The following MESD variants were observed in gnomAD, a reference collection of about 807,000 sequenced individuals.
MESD encodes the protein LRP chaperone MESD.
MESD carries 7 observed loss-of-function variants against 12.9 expected under a neutral mutation model. The observed-to-expected ratio is 0.54, with a 90% CI of 0.31 to 1.02. MESD has a LOEUF of 1.02. Ranked by LOEUF, MESD falls within the 50% of genes least tolerant of loss-of-function variation. MESD has a pLI of 0.05. For missense variants in MESD, 342 were observed against 296.7 expected (o/e 1.15, Z -1.12); for synonymous variants, 126 against 115.6 (o/e 1.09, Z -0.58).
At chr15:80,988,199 G>A (rs1284271508) in intron 1 of MESD, among the ~76,000 whole-genome samples, 1 of 152,224 alleles carries the variant, frequency 6.6e-6, no homozygotes, top group Non-Finnish European at 1.5e-5. Flanking sequence ...GCGATGTGGA[G>A]CAAGTTATTT....
chr15:80,957,530 T>C (rs1902009748), intron 3 of MESD, among the ~76,000 whole-genome samples: 1 of 152,176 alleles, frequency 6.6e-6, no homozygotes. Context: ...CTTTCCTCTC[T>C]TCATATTTAG....
intron 3 of MESD, among the ~76,000 whole-genome samples, chr15:80,955,408 T>G (rs1286038033): frequency 7.1e-6 from 1 of 141,616 alleles, no homozygotes; most frequent in Non-Finnish European, 1.5e-5. Flanking sequence ...GAGAATGGCG[T>G]GAACCCAGGA....
chr15:80,971,488 C>T (rs1041799475), downstream of MESD, among the ~76,000 whole-genome samples: 2 of 152,208 alleles, frequency 1.3e-5, no homozygotes, highest in African/African-American at 4.8e-5. Context: ...CCCCTGATAT[C>T]TAATCAAGTT....
At chr15:80,984,780 AAAAAC>A (rs1483269813) in intron 1 of MESD, among the ~76,000 whole-genome samples, 1 of 152,232 alleles carries the variant, frequency 6.6e-6, no homozygotes, top group Non-Finnish European at 1.5e-5. Flanking sequence ...TACCAAAACA[AAAAAC>A]AAAAAAAAGC....
chr15:80,965,109 G>GA (rs1218363475), intron 3 of MESD, among the ~76,000 whole-genome samples: 2 of 151,972 alleles, frequency 1.3e-5, no homozygotes, highest in African/African-American at 4.8e-5. Context: ...AAATTTACAA[G>GA]AAAAAAACAA....
chr15:80,952,806 A>G, intron 3 of MESD: 1 of 365,900 alleles, frequency 2.7e-6, no homozygotes, highest in Non-Finnish European at 5.4e-6. Flanking sequence ...CTCTACCTTC[A>G]GGAAACTTTG....
intron 3 of MESD, among the ~76,000 whole-genome samples, chr15:80,967,701 C>T (rs1441702025): frequency 6.6e-6 from 1 of 152,230 alleles, no homozygotes; most frequent in Non-Finnish European, 1.5e-5. Flanking sequence ...CTTCACATTC[C>T]ACCAACTGCA....
At chr15:80,973,637 T>A (rs906946003), downstream of MESD, among the ~76,000 whole-genome samples, 3 of 152,206 alleles carry the variant, frequency 2.0e-5, no homozygotes, top group African/African-American at 4.8e-5. Flanking sequence ...AACCACAGAC[T>A]GCAGGAGAAG....
At chr15:80,951,197 G>T (rs1901807680) in intron 4 of MESD, 1 of 152,644 alleles carries the variant, frequency 6.6e-6, no homozygotes, top group African/African-American at 2.4e-5. Flanking sequence ...AACCACTTAG[G>T]ATGTGATCAC....
chr15:80,958,985 C>G (rs1169188789), intron 3 of MESD, among the ~76,000 whole-genome samples: 1 of 152,200 alleles, frequency 6.6e-6, no homozygotes, highest in Admixed American at 6.5e-5. Context: ...AGGAAATTTA[C>G]AAGAGTCAAT....
At chr15:80,947,823 T>A (rs1001826305) in exon 5 of MESD, 1 of 152,304 alleles carries the variant, frequency 6.6e-6, no homozygotes, top group African/African-American at 2.4e-5. Context: ...TACTATTATT[T>A]CCATTTAAGA....
intron 3 of MESD, among the ~76,000 whole-genome samples, chr15:80,952,617 C>CGTGTGTGTGTGT (rs113669846): frequency 2.0e-5 from 3 of 149,210 alleles, no homozygotes; most frequent in African/African-American, 7.4e-5. Flanking sequence ...AACTATGTCT[C>CGTGTGTGTGTGT]GTGTGTGTGT....
At chr15:80,948,861 G>A (rs1449751128) in exon 5 of MESD, 4 of 1,614,096 alleles carry the variant, frequency 2.5e-6, no homozygotes, top group African/African-American at 2.7e-5. Flanking sequence ...TGGACACTGA[G>A]GATCACAAAG....
At chr15:80,979,882 T>C (rs1251876872) in intron 2 of MESD, among the ~76,000 whole-genome samples, 1 of 152,216 alleles carries the variant, frequency 6.6e-6, no homozygotes, top group Non-Finnish European at 1.5e-5. Context: ...GACAAAAGAC[T>C]TCTGCTGATA....
chr15:80,947,107 A>G (rs1469366313), downstream of MESD: 3 of 1,323,838 alleles, frequency 2.3e-6, no homozygotes, highest in Non-Finnish European at 3.3e-6. Flanking sequence ...CCAAAACCAG[A>G]GAAGGCAAAT....
At chr15:80,970,545 T>A (rs1902262224) in intron 3 of MESD, 1 of 152,212 alleles carries the variant, frequency 6.6e-6, no homozygotes, top group African/African-American at 2.4e-5. Context: ...CTTTCTGACA[T>A]CAAAAACGTG....
intron 1 of MESD, among the ~76,000 whole-genome samples, chr15:80,982,648 G>A (rs1310291516): frequency 6.6e-6 from 1 of 152,234 alleles, no homozygotes; most frequent in Admixed American, 6.5e-5. Flanking sequence ...TAGGGTAACA[G>A]AAATTAGAAC....
chr15:80,984,681 T>C (rs774049271), intron 1 of MESD, among the ~76,000 whole-genome samples: 2 of 152,164 alleles, frequency 1.3e-5, no homozygotes, highest in South Asian at 2.1e-4. Context: ...GTGATGACTG[T>C]ACAATTCTCT....
At chr15:80,959,276 G>A (rs1286694150) in intron 3 of MESD, among the ~76,000 whole-genome samples, 1 of 152,200 alleles carries the variant, frequency 6.6e-6, no homozygotes, top group Non-Finnish European at 1.5e-5. Context: ...AAGGTAGATG[G>A]AGGCTGGAGC....
Sources: gnomAD v4.1 joint callset for allele counts (sites outside exome capture counted in the v4.1 genomes callset) on GRCh38, gnomAD v4.1.1 for gene constraint, MANE v1.5 for transcripts, NCBI Gene and HGNC (gene_info 2026-07-23, HGNC 2026-07-21) for gene names.